Variants in LYST observed in about 807,000 individuals in gnomAD.
LYST encodes the protein lysosomal trafficking regulator.
Under a neutral mutation model 413.6 loss-of-function variants are expected in LYST, and 192 were observed. The observed-to-expected ratio is 0.46, with a 90% CI of 0.41 to 0.52. The LOEUF is 0.52. Ranked by LOEUF, LYST falls within the 20% of genes least tolerant of loss-of-function variation. LYST has a pLI of 0.00. For synonymous variants in LYST, 1,525 were observed against 1,567.3 expected, an observed-to-expected ratio of 0.97 and a Z score of 0.64; for missense variants, 3,815 against 4,499.9, an observed-to-expected ratio of 0.85 and a Z score of 4.35.
Position 235,686,625 on chromosome 1 carries a change from T to C in LYST, c.10800+324A>G, listed in dbSNP as rs1660243701. On this transcript the variant is annotated intron_variant, in intron 48 of 52. Transcript: ENST00000389793. The surrounding 1 kb of genome is among the most constrained non-coding windows in gnomAD (Gnocchi z 4.0). ...CATTAGGGTTTCTAAGCTTTCAAAC[T>C]GATAGACTCTTACAGTATACTCCTA... is the stretch of plus-strand genomic sequence containing the variant. Among the ~76,000 whole-genome samples, 1 of 152,186 alleles carries C rather than the reference T, an allele frequency of 6.6e-6. No individual in the cohort carries two copies. The highest frequency in any genetic ancestry group is 1.5e-5 in the Non-Finnish European group (1 of 68,032).
rs779106575 is a variant in LYST at position 235,698,805 on chromosome 1, A to G, written c.10375-1533T>C. 1.2e-3 allele frequency among the ~76,000 whole-genome samples: 178 copies of G among 152,242 alleles called. 2 individuals are homozygous for G. The highest frequency in any genetic ancestry group is 3.9e-3 in the African/African-American group (163 of 41,562). ...GGAGAATGGCATGAACCTGGGAGGC[A>G]GAGCTTGCAGTAAGCCGAGATCACG... On this transcript the variant is annotated intron_variant, in intron 45 of 52. Coordinates refer to ENST00000389793, the MANE Select transcript of LYST (RefSeq NM_000081.4).
chr1:235,719,654 T>C (rs533901150), intron 40 of LYST, among the ~76,000 whole-genome samples: 1 of 147,088 alleles, frequency 6.8e-6, no homozygotes, highest in South Asian at 2.1e-4. Flanking sequence ...AAAATATATA[T>C]AAAGCTCACA....
chr1:235,746,796 G>C (rs1251421465), intron 28 of LYST, among the ~76,000 whole-genome samples: 1 of 152,152 alleles, frequency 6.6e-6, no homozygotes. Context: ...GGCAAAGTTC[G>C]AGTTAAAAAG....
chr1:235,763,064 C>T (rs982587308), intron 21 of LYST, among the ~76,000 whole-genome samples: 2 of 152,030 alleles, frequency 1.3e-5, no homozygotes, highest in African/African-American at 4.8e-5. Flanking sequence ...TTATTTCTGG[C>T]CACATTAACT....
chr1:235,817,280 G>A (rs779522582), intron 3 of LYST, among the ~76,000 whole-genome samples: 2 of 152,062 alleles, frequency 1.3e-5, no homozygotes, highest in East Asian at 1.9e-4. Flanking sequence ...TGGTGGGAAC[G>A]TAAGTTAGTT....
chr1:235,788,768 A>C lies in LYST; in HGVS notation c.4621T>G (p.Ser1541Ala). Residue 1541 changes from serine to alanine, a missense_variant, in exon 13 of 53, where the codon TCA becomes GCA. By Grantham distance (99) the Ser-to-Ala change is moderately conservative. Coordinates refer to ENST00000389793, the MANE Select transcript of LYST (RefSeq NM_000081.4). ...ATCATCAACGCTTTGGATCCCAGTGAAATTATATGAATACATCCTTCTTCT... is the reference window on the plus strand; with the variant it reads ...ATCATCAACGCTTTGGATCCCAGTGCAATTATATGAATACATCCTTCTTCT... Reference protein sequence around the residue: ...LIEEGCIHIISLGSKALMIQV... With the variant: ...LIEEGCIHIIALGSKALMIQV... 6.2e-7 allele frequency: 1 copy of C among 1,613,500 alleles called. No individual in the cohort carries two copies. The highest frequency in any genetic ancestry group is 1.3e-5 in the African/African-American group (1 of 75,038).
chr1:235,737,916 A>AAAGAGAGC lies in LYST; in HGVS notation c.8359-3258_8359-3257insGCTCTCTT. On this transcript the variant is annotated intron_variant, in intron 31 of 52. Coordinates refer to ENST00000389793, the MANE Select transcript of LYST (RefSeq NM_000081.4). ...GAAGGTGCTGGAGCCGCTGCCGACG[A>AAAGAGAGC]GTCTGGATCTCACTGCCGCGTGCCC... is the stretch of plus-strand genomic sequence containing the variant. The AAAGAGAGC allele has an allele frequency of 1.9e-5, 22 of 1,163,406 alleles. No homozygotes were observed. The Admixed American group carries it at 2.2e-4, about 12-fold the overall frequency. 72.1% of individuals were successfully genotyped at this position (1,163,406 alleles called of 1,614,324 possible). A position where few individuals can be genotyped will look rare whatever the true frequency, so the allele number is the denominator to read the frequency against.
At chr1:235,780,698 A>G (rs1317372875) in intron 16 of LYST, among the ~76,000 whole-genome samples, 167 bp downstream of exon 16, 1 of 152,024 alleles carries the variant, frequency 6.6e-6, no homozygotes, top group East Asian at 1.9e-4. Context: ...TTTTGAAAGG[A>G]GATCAAAGTG....
chr1:235,667,725 G>A (rs780319760), intron 50 of LYST, among the ~76,000 whole-genome samples: 7 of 151,514 alleles, frequency 4.6e-5, no homozygotes, highest in South Asian at 2.1e-4. Flanking sequence ...GGAGTGCAGC[G>A]GTACAATCTC....
chr1:235,848,455 A>G (rs944756446), intron 1 of LYST, among the ~76,000 whole-genome samples: 1 of 152,156 alleles, frequency 6.6e-6, no homozygotes, highest in African/African-American at 2.4e-5. Context: ...CTAAGGTCAC[A>G]CCTCAAGGAA....
At chr1:235,872,713 G>A (rs57043847) in intron 1 of LYST, among the ~76,000 whole-genome samples, 7,933 of 152,062 alleles carry the variant, frequency 0.052, 701 homozygotes, top group African/African-American at 0.18. Flanking sequence ...TCAGGAGTTC[G>A]AGACCAGCCT....
intron 1 of LYST, among the ~76,000 whole-genome samples, chr1:235,850,932 G>A (rs545166405): frequency 6.6e-6 from 1 of 152,286 alleles, no homozygotes; most frequent in East Asian, 1.9e-4. Flanking sequence ...TGGTAGGAAT[G>A]TAAACTAGTA....
At position 235,782,077 on chromosome 1, in the gene LYST, C is replaced by T; in HGVS notation, c.4873G>A (p.Val1625Ile). 2 of 1,612,182 alleles carry T rather than the reference C, an allele frequency of 1.2e-6. No individual in the cohort carries two copies. The highest frequency in any genetic ancestry group is 1.7e-6 in the Non-Finnish European group (2 of 1,178,790). Residue 1625 changes from valine to isoleucine, a missense_variant, in exon 15 of 53, where the codon GTT becomes ATT. Physicochemically the swap from Val to Ile is conservative, Grantham distance 29. Coordinates refer to ENST00000389793, the MANE Select transcript of LYST (RefSeq NM_000081.4). ...IWVSGQRKPD[V>I]TLDFMLPRKT... ...CTTGGAAGCATAAAATCCAAAGTAA[C>T]ATCAGGCTTCCTACATTAAAAACAA...
rs534758166 is a variant in LYST, at chr1:235,852,659, G to GT, written c.-98+14183dup. Among the ~76,000 whole-genome samples the GT allele has an allele frequency of 1.6e-4, 25 of 152,270 alleles. No homozygotes were observed. In the East Asian group the frequency reaches 4.6e-3, roughly 28 times the overall value. The stretch of plus-strand genomic sequence containing the variant: ...AGACATTTTTTCAACTAATACTGAG[G>GT]TAAGTGACAAGTTGATTGACAATAA... On this transcript the variant is annotated intron_variant, in intron 1 of 52. Transcript: ENST00000389793.
intron 1 of LYST, among the ~76,000 whole-genome samples, chr1:235,882,512 G>T (rs1341259605): frequency 6.6e-6 from 1 of 152,192 alleles, no homozygotes; most frequent in Non-Finnish European, 1.5e-5. Context: ...GATTGGAGGT[G>T]AAAGGGACTA....
intron 42 of LYST, 80 bp from the exon 43 acceptor site, chr1:235,712,277 G>T: frequency 9.5e-7 from 1 of 1,052,854 alleles, no homozygotes; most frequent in Non-Finnish European, 1.4e-6. Flanking sequence ...ATTTACTTTT[G>T]CCACTTCAAA....
chr1:235,713,989 A>G (rs910700550), intron 42 of LYST, among the ~76,000 whole-genome samples: 3 of 152,240 alleles, frequency 2.0e-5, no homozygotes, highest in African/African-American at 7.2e-5. Flanking sequence ...GGGCTACATT[A>G]AATGAAATGT....
At chr1:235,676,390 C>T (rs1335155779) in intron 50 of LYST, among the ~76,000 whole-genome samples, 4 of 152,040 alleles carry the variant, frequency 2.6e-5, no homozygotes, top group African/African-American at 4.8e-5. Context: ...TGCGAGGTGA[C>T]ACATAATCAA....
intron 27 of LYST, 88 bp downstream of exon 27, chr1:235,751,917 A>G (rs1457832026): frequency 4.4e-6 from 4 of 915,540 alleles, no homozygotes; most frequent in Non-Finnish European, 6.8e-6. Context: ...TTAGTAAAAG[A>G]GTTTCTAAGA....
Sources: gnomAD v4.1 joint callset for allele counts (sites outside exome capture counted in the v4.1 genomes callset) on GRCh38, gnomAD v4.1.1 for gene constraint, Gnocchi (gnomAD v3.1) non-coding constraint, MANE v1.5 for transcripts, NCBI Gene and HGNC (gene_info 2026-07-23, HGNC 2026-07-21) for gene names.